RNF185: variants seen among roughly 807,000 people sequenced by gnomAD.
RNF185 encodes the protein E3 ubiquitin-protein ligase RNF185.
RNF185 carries 13 observed loss-of-function variants against 24.9 expected under a neutral mutation model. The observed-to-expected ratio is 0.52, with a 90% CI of 0.34 to 0.83. The LOEUF is 0.83. Ranked by LOEUF, RNF185 falls within the 40% of genes least tolerant of loss-of-function variation. The pLI is 0.01. For missense variants in RNF185, 184 were observed against 244.7 expected, an observed-to-expected ratio of 0.75 and a Z score of 1.65; for synonymous variants, 79 against 90.3, an observed-to-expected ratio of 0.88 and a Z score of 0.71.
At chr22:31,198,639 TCCG>T (rs1173951912) in intron 5 of RNF185, among the ~76,000 whole-genome samples, 8 of 148,234 alleles carry the variant, frequency 5.4e-5, no homozygotes, top group Non-Finnish European at 8.9e-5. Context: ...GCTCAGATGA[TCCG>T]CCCTCCTTGG....
intron 1 of RNF185, among the ~76,000 whole-genome samples, chr22:31,165,437 T>C (rs1339227899): frequency 6.6e-6 from 1 of 152,224 alleles, no homozygotes; most frequent in Admixed American, 6.5e-5. Flanking sequence ...TTTGCTCATT[T>C]TGTAATTGAG....
intron 1 of RNF185, among the ~76,000 whole-genome samples, chr22:31,170,383 G>C (rs1602790794): frequency 6.6e-6 from 1 of 152,112 alleles, no homozygotes; most frequent in East Asian, 1.9e-4. Flanking sequence ...GTAGAGACGA[G>C]GTTTCACCAT....
chr22:31,168,849 ATTTC>A (rs929699132), intron 1 of RNF185, among the ~76,000 whole-genome samples: 3 of 152,062 alleles, frequency 2.0e-5, no homozygotes, highest in Non-Finnish European at 4.4e-5. Flanking sequence ...GGACATTTGT[ATTTC>A]TTCTTTGAAG....
intron 1 of RNF185, among the ~76,000 whole-genome samples, chr22:31,181,628 G>A (rs2048037439): frequency 6.6e-6 from 1 of 152,150 alleles, no homozygotes; most frequent in Admixed American, 6.5e-5. Context: ...TGGTAGACTG[G>A]ATTAAGAAAA....
In RNF185 at chr22:31,189,794, C is replaced by T. The variant is rs532761515; in HGVS notation, c.176+2524C>T. Among the ~76,000 whole-genome samples the T allele has an allele frequency of 6.6e-5, 10 of 151,986 alleles. No homozygotes were observed. In the South Asian group the frequency reaches 1.2e-3, roughly 19 times the overall value. Reference sequence around the variant, plus strand: ...TATTTTTAGTAGAGAGAGGTTTTCACCATGTTGGCCAGGATGGTCTCGATC... The same window carrying T: ...TATTTTTAGTAGAGAGAGGTTTTCATCATGTTGGCCAGGATGGTCTCGATC... On this transcript the variant is annotated intron_variant, in intron 2 of 6. Transcript: ENST00000326132.
intron 1 of RNF185, among the ~76,000 whole-genome samples, chr22:31,165,145 C>T (rs1450143036): frequency 2.0e-5 from 3 of 151,762 alleles, no homozygotes; most frequent in Non-Finnish European, 4.4e-5. Context: ...CTGGAACTCC[C>T]GGCCTCAGGT....
chr22:31,179,917 T>C (rs2048017257), intron 1 of RNF185, among the ~76,000 whole-genome samples: 2 of 152,102 alleles, frequency 1.3e-5, no homozygotes, highest in Admixed American at 6.5e-5. Context: ...CAGGTCACTG[T>C]GTTATTTCAT....
At position 31,197,858 on chromosome 22, in the gene RNF185, C is replaced by T. The variant is rs1347249215; in HGVS notation, c.363+868C>T. Reference sequence around the variant, plus strand: ...TCAGCCTCCCAAAGTGTTAGGATTACAGGCGTGAACCACTGTACCTGGCTT... The same window carrying T: ...TCAGCCTCCCAAAGTGTTAGGATTATAGGCGTGAACCACTGTACCTGGCTT... On this transcript the variant is annotated intron_variant, in intron 5 of 6. Coordinates refer to ENST00000326132, the MANE Select transcript of RNF185 (RefSeq NM_152267.4). Among the ~76,000 whole-genome samples, 14 of 152,252 alleles carry T rather than the reference C, an allele frequency of 9.2e-5. 1 individual carries two copies. The South Asian group carries it at 2.5e-3, about 27-fold the overall frequency.
intron 1 of RNF185, among the ~76,000 whole-genome samples, chr22:31,172,848 C>G (rs1372898810): frequency 1.3e-5 from 2 of 151,976 alleles, no homozygotes; most frequent in East Asian, 1.9e-4. Context: ...GGTAAGGACA[C>G]TGGCATAGTG....
At chr22:31,180,711 T>C (rs537939236) in intron 1 of RNF185, among the ~76,000 whole-genome samples, 2 of 152,096 alleles carry the variant, frequency 1.3e-5, no homozygotes, top group Non-Finnish European at 2.9e-5. Context: ...TTCTAATACC[T>C]ATATTCATTA....
Position 31,192,688 on chromosome 22 carries a change from C to A in RNF185, c.181C>A (p.Pro61Thr). Residue 61 changes from proline (P) to threonine (T), a missense_variant, in exon 3 of 7, where the codon CCG becomes ACG. Coordinates refer to ENST00000326132, the MANE Select transcript of RNF185 (RefSeq NM_152267.4). ...ISLCGHLFCW[P>T]CLHQWLETRP... is the part of the protein sequence containing the mutation. The stretch of plus-strand genomic sequence containing the variant: ...TTGCCCTGGGGACTCTGGCAGTTGG[C>A]CGTGTTTACATCAGGTAAGATGCAT... 6.2e-7 allele frequency: 1 copy of A among 1,613,776 alleles called. No homozygotes were observed. The highest frequency in any genetic ancestry group is 8.5e-7 in the Non-Finnish European group (1 of 1,179,734).
chr22:31,192,723 C>T, intron 3 of RNF185, 21 bp downstream of exon 3: 2 of 1,612,464 alleles, frequency 1.2e-6, no homozygotes, highest in South Asian at 2.2e-5. Context: ...TTTCATTTTA[C>T]TTTGTCTTTC....
At chr22:31,173,320 G>A (rs1480090356) in intron 1 of RNF185, among the ~76,000 whole-genome samples, 1 of 151,222 alleles carries the variant, frequency 6.6e-6, no homozygotes, top group East Asian at 1.9e-4. Flanking sequence ...GCTGTTATAG[G>A]ATACTGATTT....
intron 3 of RNF185, among the ~76,000 whole-genome samples, chr22:31,193,864 C>A (rs985425857): frequency 7.3e-5 from 11 of 151,234 alleles, no homozygotes; most frequent in Non-Finnish European, 1.2e-4. Flanking sequence ...AAACCAAAAA[C>A]ATTTTTTATC....
intron 1 of RNF185, among the ~76,000 whole-genome samples, chr22:31,163,975 C>CTTATTATTA (rs899192971): frequency 2.7e-5 from 4 of 145,502 alleles, no homozygotes; most frequent in Non-Finnish European, 4.5e-5. Context: ...TGCCTGGCCC[C>CTTATTATTA]TTATTATTAT....
At chr22:31,163,194 A>G (rs763133643) in intron 1 of RNF185, among the ~76,000 whole-genome samples, 12 of 152,152 alleles carry the variant, frequency 7.9e-5, no homozygotes, top group Non-Finnish European at 1.6e-4. Flanking sequence ...ATATTTACAT[A>G]TTGTCTTTGG....
intron 2 of RNF185, 150 bp downstream of exon 2, chr22:31,187,420 G>C: frequency 1.2e-6 from 1 of 816,162 alleles, no homozygotes; most frequent in Non-Finnish European, 2.0e-6. Flanking sequence ...TCCCAGCTCT[G>C]CTACCAATGA....
intron 3 of RNF185, among the ~76,000 whole-genome samples, chr22:31,192,914 G>T (rs1018622599): frequency 8.5e-5 from 13 of 152,134 alleles, no homozygotes; most frequent in African/African-American, 2.9e-4. Context: ...GGCCTTTTTG[G>T]ATCTCAGTTA....
chr22:31,201,873 G>C (rs988660049), intron 6 of RNF185, among the ~76,000 whole-genome samples: 3 of 152,138 alleles, frequency 2.0e-5, no homozygotes, highest in African/African-American at 7.2e-5. Flanking sequence ...CTATGGAACA[G>C]GTGTGTGATT....
Sources: allele counts gnomAD v4.1 joint callset (sites outside exome capture counted in the v4.1 genomes callset), GRCh38; gene constraint gnomAD v4.1.1; transcripts MANE v1.5; gene names NCBI Gene and HGNC (gene_info 2026-07-23, HGNC 2026-07-21).